The following DDB2 variants were observed in gnomAD, a reference collection of about 807,000 sequenced individuals.
The protein encoded by DDB2 is DNA damage-binding protein 2.
In DDB2, 27 loss-of-function variants were observed where a neutral mutation model predicts 50.5. The observed-to-expected ratio is 0.53, with a 90% CI of 0.39 to 0.74. DDB2 has a LOEUF of 0.74. Ranked by LOEUF, DDB2 falls within the 30% of genes least tolerant of loss-of-function variation. The pLI is 0.00. For synonymous variants in DDB2, 176 were observed against 205.5 expected (o/e 0.86, Z 1.23); for missense variants, 424 against 545.6 (o/e 0.78, Z 2.22).
chr11:47,237,670 C>T (rs1186844178), intron 7 of DDB2, 167 bp from the exon 8 acceptor site: 22 of 681,948 alleles, frequency 3.2e-5, no homozygotes, highest in South Asian at 1.7e-4. Context: ...CTCCTGACCT[C>T]GTGATCCGCC....
chr11:47,234,273 C>T (rs1438150092), intron 4 of DDB2, among the ~76,000 whole-genome samples: 2 of 152,040 alleles, frequency 1.3e-5, no homozygotes, highest in South Asian at 2.1e-4. Context: ...GGGGGGCAGG[C>T]GTGCCTCAGG....
At chr11:47,228,736 C>T (rs892634272) in intron 3 of DDB2, among the ~76,000 whole-genome samples, 1 of 151,424 alleles carries the variant, frequency 6.6e-6, no homozygotes, top group Non-Finnish European at 1.5e-5. Context: ...GCAGGCGGAT[C>T]ACTTGAAGTC....
At chr11:47,235,639 G>A (rs1591001835) in intron 7 of DDB2, 1 of 590,722 alleles carries the variant, frequency 1.7e-6, no homozygotes, top group South Asian at 1.9e-5. Context: ...ATTTTTCTGA[G>A]TTTTTTCAGC....
At chr11:47,217,997 C>T (rs1208902545) in intron 3 of DDB2, among the ~76,000 whole-genome samples, 2 of 152,210 alleles carry the variant, frequency 1.3e-5, no homozygotes, top group African/African-American at 2.4e-5. Flanking sequence ...ATTCCTGAAA[C>T]CGGGTCTCTG....
intron 3 of DDB2, among the ~76,000 whole-genome samples, chr11:47,227,823 C>T (rs1247007898): frequency 6.6e-6 from 1 of 152,034 alleles, no homozygotes; most frequent in Non-Finnish European, 1.5e-5. Flanking sequence ...TGGCCAAATC[C>T]TTGTCACATT....
In DDB2 at chr11:47,234,915, C is replaced by A; in HGVS notation, c.861C>A (p.His287Gln). The part of the protein sequence containing the change: ...GKASFLYSLP[H>Q]RHPVNAACFS... ...CCAGCTTCCTCTACTCGCTGCCGCACAGGCATCCTGTCAACGCAGGTGTGA... is the reference window on the plus strand; with the variant it reads ...CCAGCTTCCTCTACTCGCTGCCGCAAAGGCATCCTGTCAACGCAGGTGTGA... Residue 287 changes from histidine to glutamine, a missense_variant, in exon 6 of 10, where the codon CAC (histidine) becomes CAA (glutamine). His to Gln is a conservative substitution (Grantham distance 24). Coordinates refer to ENST00000256996, the MANE Select transcript of DDB2 (RefSeq NM_000107.3). 1.2e-6 allele frequency: 2 copies of A among 1,614,256 alleles called. No individual in the cohort carries two copies. Among genetic ancestry groups the A allele is most frequent in the Non-Finnish European group, 1.7e-6 (2 of 1,180,046 alleles).
intron 7 of DDB2, chr11:47,235,754 T>A (rs1953716881): frequency 3.4e-6 from 1 of 293,356 alleles, no homozygotes; most frequent in Non-Finnish European, 6.4e-6. Context: ...CTTCATTTTT[T>A]ATTTTTTTAT....
At chr11:47,235,178 G>GA (rs1565156694) in intron 6 of DDB2, 92 bp from the exon 7 acceptor site, 1 of 1,545,218 alleles carries the variant, frequency 6.5e-7, no homozygotes, top group Admixed American at 1.7e-5. Flanking sequence ...AGAGGAGTGG[G>GA]AGGGAGAGTA....
intron 3 of DDB2, among the ~76,000 whole-genome samples, chr11:47,218,604 T>C (rs1474062041): frequency 1.3e-5 from 2 of 152,214 alleles, no homozygotes; most frequent in Non-Finnish European, 2.9e-5. Context: ...CATCCATTGC[T>C]GAGGGGTGAG....
At position 47,232,915 on chromosome 11, in the gene DDB2, T is replaced by A. The variant is rs1405897737; in HGVS notation, c.558T>A (p.Phe186Leu). The change falls in exon 4 of 10, where the codon TTT (phenylalanine) becomes TTA (leucine). Residue 186 changes from phenylalanine (F) to leucine (L), a missense_variant. By Grantham distance (22) the Phe-to-Leu change is conservative (BLOSUM62 0). Transcript: ENST00000256996. Reference protein sequence around the residue: ...SMEGTTRLQDFKGNILRVFAS... With the variant: ...SMEGTTRLQDLKGNILRVFAS... ...AGGGAACAACTAGGCTGCAAGACTT[T>A]AAAGGCAACATTCTACGAGTTTTTG... is the stretch of plus-strand genomic sequence containing the variant. The A allele has an allele frequency of 3.1e-6, 5 of 1,614,092 alleles. No homozygotes were observed. Among genetic ancestry groups the A allele is most frequent in the Non-Finnish European group, 4.2e-6 (5 of 1,180,034 alleles).
intron 1 of DDB2, chr11:47,215,633 C>T: frequency 2.9e-6 from 1 of 346,248 alleles, no homozygotes; most frequent in South Asian, 2.4e-5. Flanking sequence ...TGTGAGAGCC[C>T]CCAATTCCTT....
intron 3 of DDB2, among the ~76,000 whole-genome samples, chr11:47,219,362 AT>A (rs958116708): frequency 3.3e-5 from 5 of 151,288 alleles, no homozygotes; most frequent in African/African-American, 7.3e-5. Context: ...GAACTTCATT[AT>A]TTTTTTTTAT....
In DDB2 at chr11:47,235,384, G is replaced by A. The variant is rs760495922; in HGVS notation, c.995G>A (p.Arg332His). 2.1e-5 allele frequency: 34 copies of A among 1,613,238 alleles called. No homozygotes were observed. The highest frequency in any genetic ancestry group is 3.3e-5 in the Admixed American group (2 of 60,000). Residue 332 changes from arginine (R) to histidine (H), a missense_variant, in exon 7 of 10, where the codon CGT becomes CAT. Coordinates refer to ENST00000256996, the MANE Select transcript of DDB2 (RefSeq NM_000107.3). ...CTGGGCCTGATCCCGCACCCTCACCGTCACTTCCAGCACCTCACACCCATC... is the reference window on the plus strand; with the variant it reads ...CTGGGCCTGATCCCGCACCCTCACCATCACTTCCAGCACCTCACACCCATC... ...CPLGLIPHPH[R>H]HFQHLTPIKA...
At position 47,234,428 on chromosome 11, in the gene DDB2, T is replaced by C. The variant is rs56020548; in HGVS notation, c.603-145T>C. ...GTAGAGCAGTCTGAATGTTCCTCAC[T>C]AGGAATCCACGGCAAGACAGTTATT... On this transcript the variant is annotated intron_variant, in intron 4 of 9. Transcript: ENST00000256996. The C allele has an allele frequency of 4.0e-6, 3 of 753,106 alleles. No individual in the cohort carries two copies. In the East Asian group the frequency reaches 7.6e-5, roughly 19 times the overall value. 46.7% of individuals were successfully genotyped at this position (753,106 alleles called of 1,614,324 possible).
At chr11:47,235,159 CCT>C in intron 6 of DDB2, 109 bp from the exon 7 acceptor site, 3 of 1,500,222 alleles carry the variant, frequency 2.0e-6, no homozygotes, top group Non-Finnish European at 2.8e-6. Context: ...CCTTTCCGCT[CCT>C]GTCTAGAGAG....
chr11:47,230,418 A>G (rs1024762602), intron 3 of DDB2, among the ~76,000 whole-genome samples: 1 of 152,216 alleles, frequency 6.6e-6, no homozygotes, highest in Non-Finnish European at 1.5e-5. Context: ...CGGCTTTTAT[A>G]GTAGTAATAA....
At chr11:47,219,833 G>A (rs933484428) in intron 3 of DDB2, among the ~76,000 whole-genome samples, 9 of 152,118 alleles carry the variant, frequency 5.9e-5, no homozygotes, top group African/African-American at 2.2e-4. Context: ...CGCCGCCCAG[G>A]CTGGAGTGCA....
At chr11:47,231,579 A>G (rs1342238518) in intron 3 of DDB2, among the ~76,000 whole-genome samples, 1 of 152,114 alleles carries the variant, frequency 6.6e-6, no homozygotes, top group African/African-American at 2.4e-5. Flanking sequence ...GCTAGAGTGC[A>G]GTGATTCGAT....
At position 47,234,621 on chromosome 11, in the gene DDB2, C is replaced by A; in HGVS notation, c.651C>A (p.Val217=). The stretch of plus-strand genomic sequence containing the variant: ...TGTCTGCTAGTAGCCGAATGGTGGT[C>A]ACAGGAGACAACGTGGGGAACGTGA... ...LDVSASSRMV[V]TGDNVGNVIL... is the part of the protein sequence containing the mutation. The change falls in exon 5 of 10, where the codon GTC becomes GTA. Residue 217 remains valine (V), a synonymous_variant. Transcript: ENST00000256996. 6.2e-7 allele frequency: 1 copy of A among 1,614,072 alleles called. No homozygotes were observed. The highest frequency in any genetic ancestry group is 1.1e-5 in the South Asian group (1 of 91,072).
Sources: allele counts gnomAD v4.1 joint callset (sites outside exome capture counted in the v4.1 genomes callset), GRCh38; gene constraint gnomAD v4.1.1; transcripts MANE v1.5; gene names NCBI Gene and HGNC (gene_info 2026-07-23, HGNC 2026-07-21).